CNTN4: variants seen among roughly 807,000 people sequenced by gnomAD.
CNTN4 encodes contactin-4.
In CNTN4, 77 loss-of-function variants were observed where a neutral mutation model predicts 122.5. The ratio of observed to expected loss-of-function variants is 0.63; its 90% CI spans 0.52 to 0.76. CNTN4 has a LOEUF of 0.76. CNTN4 is among the 30% of genes least tolerant of loss of function. The pLI, the probability that CNTN4 is intolerant of heterozygous loss-of-function variation, is 0.00. For synonymous variants in CNTN4, 512 were observed against 447.0 expected, an observed-to-expected ratio of 1.15 and a Z score of -1.83; for missense variants, 1,256 against 1,259.1, an observed-to-expected ratio of 1.00 and a Z score of 0.04.
chr3:2,783,849 G>A (rs2091705117), intron 6 of CNTN4, among the ~76,000 whole-genome samples: 1 of 152,144 alleles, frequency 6.6e-6, no homozygotes, highest in Admixed American at 6.5e-5. Context: ...CTTAATGAAT[G>A]TTCATGATGA....
intron 3 of CNTN4, among the ~76,000 whole-genome samples, chr3:2,481,915 T>C (rs985588074): frequency 1.3e-5 from 2 of 152,200 alleles, no homozygotes; most frequent in African/African-American, 4.8e-5. Flanking sequence ...CCCTGCCATG[T>C]GGAACTGTGA....
intron 6 of CNTN4, among the ~76,000 whole-genome samples, chr3:2,794,821 T>C (rs568347731): frequency 1.2e-4 from 19 of 152,320 alleles, no homozygotes; most frequent in African/African-American, 4.6e-4. Flanking sequence ...AGGGCCTACT[T>C]CCTGGTTCAC....
intron 2 of CNTN4, among the ~76,000 whole-genome samples, chr3:2,311,305 G>T (rs1054183003): frequency 6.6e-6 from 1 of 152,032 alleles, no homozygotes; most frequent in African/African-American, 2.4e-5. Flanking sequence ...TCTTGCCTCT[G>T]TCTTTCCGTC....
intron 23 of CNTN4, among the ~76,000 whole-genome samples, chr3:3,046,888 G>A (rs923333351): frequency 2.2e-5 from 3 of 138,354 alleles, no homozygotes; most frequent in East Asian, 2.0e-4. Flanking sequence ...CCTGTCTCAC[G>A]TGCAGGGACA....
intron 3 of CNTN4, among the ~76,000 whole-genome samples, chr3:2,489,546 T>C (rs2076255642): frequency 6.6e-6 from 1 of 152,238 alleles, no homozygotes; most frequent in African/African-American, 2.4e-5. Context: ...TACAATGTTC[T>C]GAGGAATTAA....
intron 7 of CNTN4, among the ~76,000 whole-genome samples, chr3:2,829,857 GT>G (rs1221169632): frequency 6.6e-6 from 1 of 152,102 alleles, no homozygotes; most frequent in Non-Finnish European, 1.5e-5. Flanking sequence ...TTTAAGAAGA[GT>G]TCCCTAGGAG....
intron 2 of CNTN4, among the ~76,000 whole-genome samples, chr3:2,281,022 G>A (rs1370360972): frequency 1.3e-5 from 2 of 152,120 alleles, no homozygotes; most frequent in East Asian, 1.9e-4. Flanking sequence ...TTTATGACAC[G>A]CTGATGGGAT....
rs2151084786 is a variant in CNTN4 at position 2,417,904 on chromosome 3, A to G, written c.-89+78671A>G. Among the ~76,000 whole-genome samples the G allele has an allele frequency of 5.3e-5, 8 of 152,324 alleles. 2 individuals are homozygous for G. The highest frequency in any genetic ancestry group is 5.2e-4 in the Admixed American group (8 of 15,306). On this transcript the variant is annotated intron_variant, in intron 3 of 24. Transcript: ENST00000418658. ...TGGGAAAAAAGCTATATACTTTATT[A>G]TTCCAACTATATGACATTCTGGAAA...
intron 3 of CNTN4, chr3:2,362,648 A>G: frequency 9.5e-6 from 4 of 419,908 alleles, no homozygotes; most frequent in South Asian, 7.7e-5. Context: ...ATGGATACCA[A>G]CTTGAGATCA....
At chr3:2,738,389 C>A (rs1050539546) in intron 5 of CNTN4, among the ~76,000 whole-genome samples, 2 of 152,146 alleles carry the variant, frequency 1.3e-5, no homozygotes, top group African/African-American at 2.4e-5. Flanking sequence ...CTAAATACTT[C>A]TTTTAAAGCA....
At chr3:2,743,885 G>A (rs575192877) in intron 5 of CNTN4, among the ~76,000 whole-genome samples, 12 of 152,106 alleles carry the variant, frequency 7.9e-5, no homozygotes, top group South Asian at 2.1e-4. Flanking sequence ...ACCTTGGCTC[G>A]CTGCAGCCTC....
chr3:2,742,435 G>A (rs1467729572), intron 5 of CNTN4, among the ~76,000 whole-genome samples: 2 of 152,184 alleles, frequency 1.3e-5, no homozygotes, highest in African/African-American at 4.8e-5. Flanking sequence ...CACTTGGTCG[G>A]AGTACTTTTG....
chr3:2,277,919 C>T (rs1279056252), intron 2 of CNTN4, among the ~76,000 whole-genome samples: 2 of 151,774 alleles, frequency 1.3e-5, no homozygotes, highest in East Asian at 3.9e-4. Flanking sequence ...ACCAGAAGCA[C>T]AGAGGATAAT....
intron 19 of CNTN4, 140 bp downstream of exon 19, chr3:3,039,143 C>G (rs1163951368): frequency 4.0e-6 from 3 of 750,700 alleles, no homozygotes; most frequent in South Asian, 3.1e-5. Context: ...CTCCCTCTCA[C>G]GTAGCTAATG....
chr3:2,708,746 C>CACAG (rs2086907926), intron 4 of CNTN4, among the ~76,000 whole-genome samples: 1 of 31,640 alleles, frequency 3.2e-5, no homozygotes, highest in Non-Finnish European at 9.1e-5. Context: ...CACACACACA[C>CACAG]ACACACACAC....
intron 3 of CNTN4, among the ~76,000 whole-genome samples, chr3:2,363,890 A>G (rs928920325): frequency 2.0e-5 from 3 of 152,214 alleles, no homozygotes; most frequent in African/African-American, 7.2e-5. Context: ...CATATAATCT[A>G]TAGCTTTAAT....
intron 4 of CNTN4, among the ~76,000 whole-genome samples, chr3:2,612,270 C>T (rs1385461380): frequency 6.6e-6 from 1 of 152,008 alleles, no homozygotes; most frequent in Non-Finnish European, 1.5e-5. Flanking sequence ...CTTAGCCCAG[C>T]CTAACTTAAA....
At chr3:2,271,570 ATTAC>A (rs1258804647) in intron 2 of CNTN4, among the ~76,000 whole-genome samples, 1 of 152,112 alleles carries the variant, frequency 6.6e-6, no homozygotes, top group African/African-American at 2.4e-5. Flanking sequence ...GTTCTATGTA[ATTAC>A]TTATCATTGT....
At chr3:2,523,991 A>G (rs1338606339) in intron 3 of CNTN4, among the ~76,000 whole-genome samples, 2 of 152,158 alleles carry the variant, frequency 1.3e-5, no homozygotes, top group Admixed American at 1.3e-4. Flanking sequence ...TGAGTGGAAT[A>G]ATTATGGTAT....
Sources: allele counts gnomAD v4.1 joint callset (sites outside exome capture counted in the v4.1 genomes callset), GRCh38; gene constraint gnomAD v4.1.1; transcripts MANE v1.5; gene names NCBI Gene and HGNC (gene_info 2026-07-23, HGNC 2026-07-21).